NPHS1: variants seen among roughly 807,000 people sequenced by gnomAD.
The protein encoded by NPHS1 is NPHS1 adhesion molecule, nephrin, also known as nephrin.
NPHS1 carries 107 observed loss-of-function variants against 139.7 expected under a neutral mutation model. The ratio of observed to expected loss-of-function variants is 0.77; its 90% confidence interval spans 0.66 to 0.90. The LOEUF (loss-of-function observed/expected upper bound fraction) is 0.90, where lower values mean the gene tolerates loss of function less well. Ranked by LOEUF, NPHS1 falls within the 40% of genes least tolerant of loss-of-function variation. NPHS1 has a pLI of 0.00. For synonymous variants in NPHS1, 707 were observed against 706.6 expected, an observed-to-expected ratio of 1.00 and a Z score of -0.01; for missense variants, 1,580 against 1,654.2, an observed-to-expected ratio of 0.96 and a Z score of 0.78.
At chr19:35,828,767 C>T (rs2146805188) in intron 28 of NPHS1, among the ~76,000 whole-genome samples, 1 of 152,240 alleles carries the variant, frequency 6.6e-6, no homozygotes, top group Non-Finnish European at 1.5e-5. Flanking sequence ...GACCGTATGT[C>T]CCACACAGCC....
Position 35,839,353 on chromosome 19 carries a change from A to G in NPHS1, c.2993T>C (p.Phe998Ser). The change falls in exon 22 of 29, where the codon TTC becomes TCC. Residue 998 changes from phenylalanine (F) to serine (S), a missense_variant. Coordinates refer to ENST00000378910, the MANE Select transcript of NPHS1 (RefSeq NM_004646.4). ...VDVVPPQATT[F>S]TLTGLQPSTR... The stretch of plus-strand genomic sequence containing the variant: ...AGAAGGCTGTAGACCAGTCAGCGTG[A>G]AGGTGGTGGCCTGGGGTGGTACGAC... The G allele has an allele frequency of 6.2e-7, 1 of 1,614,188 alleles. No individual in the cohort carries two copies. Among genetic ancestry groups the G allele is most frequent in the Non-Finnish European group, 8.5e-7 (1 of 1,180,028 alleles).
chr19:35,846,258 C>G, intron 11 of NPHS1, 64 bp from the exon 12 acceptor site: 1 of 1,508,862 alleles, frequency 6.6e-7, no homozygotes, highest in Non-Finnish European at 8.9e-7. Flanking sequence ...CCCCAACCCC[C>G]CTACCCTGCC....
chr19:35,833,810 C>T (rs1336672414), intron 23 of NPHS1, among the ~76,000 whole-genome samples: 2 of 152,324 alleles, frequency 1.3e-5, no homozygotes, highest in Non-Finnish European at 2.9e-5. Context: ...AATCCTCCCG[C>T]ATCAGCCTCC....
intron 28 of NPHS1, among the ~76,000 whole-genome samples, chr19:35,827,842 G>T (rs533168202): frequency 1.3e-5 from 2 of 152,220 alleles, no homozygotes; most frequent in East Asian, 3.9e-4. Context: ...GCTTGAACCT[G>T]GGAGGTGGAG....
At position 35,851,682 on chromosome 19, in the gene NPHS1, C is replaced by T. The variant is rs1337702956; in HGVS notation, c.59-10G>A. 1 of 1,608,028 alleles carries T rather than the reference C, an allele frequency of 6.2e-7. No individual in the cohort carries two copies. The highest frequency in any genetic ancestry group is 8.5e-7 in the Non-Finnish European group (1 of 1,177,180). Reference sequence around the variant, plus strand: ...GCCAACTGCGCCAGGCCTGAGGACACAGCGCGGTGCAAGGAAAGGGCAGAG... The same window carrying T: ...GCCAACTGCGCCAGGCCTGAGGACATAGCGCGGTGCAAGGAAAGGGCAGAG... On this transcript the variant is annotated splice_polypyrimidine_tract_variant and intron_variant, in intron 1 of 28. Transcript: ENST00000378910.
At chr19:35,833,727 A>G (rs3848667) in intron 23 of NPHS1, among the ~76,000 whole-genome samples, 77,771 of 151,586 alleles carry the variant, frequency 0.51, 20,712 homozygotes, top group East Asian at 0.7. Flanking sequence ...ACAGGGTCTC[A>G]ACTCTGTTGC....
At chr19:35,831,889 G>A in intron 23 of NPHS1, 127 bp from the exon 24 acceptor site, 2 of 997,492 alleles carry the variant, frequency 2.0e-6, no homozygotes, top group South Asian at 1.4e-5. Flanking sequence ...ATGGGCAGAG[G>A]TCTCTGTGCC....
At position 35,844,467 on chromosome 19, in the gene NPHS1, G is replaced by A; in HGVS notation, c.1931-8C>T. ...CCAGGAACTCTGGACGGTCTTCAGA[G>A]GGGGCGCCGCAGGGAGTCAAGATTG... On this transcript the variant is annotated splice_polypyrimidine_tract_variant and splice_region_variant and intron_variant, in intron 14 of 28. Transcript: ENST00000378910. 3.2e-6 allele frequency: 5 copies of A among 1,565,092 alleles called. No individual in the cohort carries two copies. The highest frequency in any genetic ancestry group is 4.3e-6 in the Non-Finnish European group (5 of 1,157,366).
intron 16 of NPHS1, 33 bp from the exon 17 acceptor site, chr19:35,843,626 T>C (rs1323540653): frequency 6.2e-7 from 1 of 1,612,000 alleles, no homozygotes; most frequent in East Asian, 2.2e-5. Flanking sequence ...GGAAGACACT[T>C]GGGCCCAGAC....
At position 35,849,708 on chromosome 19, in the gene NPHS1, G is replaced by A. The variant is rs895774996; in HGVS notation, c.609-55C>T. Reference sequence around the variant, plus strand: ...AGAGTCATCATCTGAAATTTGGGGAGTCAGGGAGAAGAGGTGGGGATGTCA... The same window carrying A: ...AGAGTCATCATCTGAAATTTGGGGAATCAGGGAGAAGAGGTGGGGATGTCA... On this transcript the variant is annotated intron_variant, in intron 5 of 28. Transcript: ENST00000378910. 2.2e-6 allele frequency: 3 copies of A among 1,372,936 alleles called. No homozygotes were observed. In the African/African-American group the frequency reaches 4.3e-5, roughly 20 times the overall value. 85.0% of individuals were successfully genotyped at this position (1,372,936 alleles called of 1,614,324 possible).
chr19:35,845,780 G>C lies in NPHS1; in HGVS notation c.1646C>G (p.Thr549Arg). 4 of 1,613,536 alleles carry C rather than the reference G, an allele frequency of 2.5e-6. No homozygotes were observed. Among genetic ancestry groups the C allele is most frequent in the African/African-American group, 1.3e-5 (1 of 75,036 alleles). Residue 549 changes from threonine (T) to arginine (R), a missense_variant, in exon 13 of 29, where the codon ACG (threonine) becomes AGG (arginine). Coordinates refer to ENST00000378910, the MANE Select transcript of NPHS1 (RefSeq NM_004646.4). This position sits in a 1 kb window ranked among gnomAD's most constrained non-coding sequence, Gnocchi z 5.5. The stretch of plus-strand genomic sequence containing the variant: ...CAGTGCGGATGCGTTGGCCAGGATC[G>C]TCACGTTAGTTGGGGGAACTGGGAG... Reference protein sequence around the residue: ...LAVQFPPTNVTILANASALRP... With the variant: ...LAVQFPPTNVRILANASALRP...
Position 35,828,426 on chromosome 19 carries a change from G to A in NPHS1, c.3595-1781C>T, listed in dbSNP as rs546477180. Among the ~76,000 whole-genome samples the A allele has an allele frequency of 1.5e-4, 23 of 152,096 alleles. 1 individual carries two copies. The South Asian group carries it at 4.8e-3, about 32-fold the overall frequency. On this transcript the variant is annotated intron_variant, in intron 28 of 28. Coordinates refer to ENST00000378910, the MANE Select transcript of NPHS1 (RefSeq NM_004646.4). ...ACTACAGGCGCCAGCCACCACACCC[G>A]GCTAACTTTTTGTATTTTTAGTAGA...
At position 35,845,972 on chromosome 19, in the gene NPHS1, G is replaced by GC; in HGVS notation, c.1627+35dup. ...TGCCCCACCTGGCTCTGTCCCTCCC[G>GC]CCCCGCCCCCGGGCCTCAGCAGTGC... On this transcript the variant is annotated intron_variant, in intron 12 of 28. Coordinates refer to ENST00000378910, the MANE Select transcript of NPHS1 (RefSeq NM_004646.4). The surrounding 1 kb of genome is among the most constrained non-coding windows in gnomAD (Gnocchi z 5.5). The GC allele has an allele frequency of 1.4e-6, 1 of 719,352 alleles. No homozygotes were observed. Among genetic ancestry groups the GC allele is most frequent in the African/African-American group, 1.9e-5 (1 of 53,526 alleles). The allele number at this position is 719,352 out of a possible 1,614,324, so 44.6% of individuals were successfully genotyped here.
rs146372457 is a variant in NPHS1, at chr19:35,842,791, C to T, written c.2335-241G>A. On this transcript the variant is annotated intron_variant, in intron 17 of 28. Coordinates refer to ENST00000378910, the MANE Select transcript of NPHS1 (RefSeq NM_004646.4). ...CCACTTATGCTTGGAACCATCTATC[C>T]GTCCATCCATTCATTTATCCATCTG... Among the ~76,000 whole-genome samples, 338 of 152,242 alleles carry T rather than the reference C, an allele frequency of 2.2e-3. 1 individual carries two copies. The highest frequency in any genetic ancestry group is 7.8e-3 in the African/African-American group (323 of 41,544).
chr19:35,839,089 C>A, intron 22 of NPHS1, 148 bp downstream of exon 22: 1 of 739,664 alleles, frequency 1.4e-6, no homozygotes, highest in South Asian at 1.6e-5. Flanking sequence ...TCATCTTTAT[C>A]TTTTACTAGT....
At position 35,843,971 on chromosome 19, in the gene NPHS1, TG is replaced by T. The variant is rs371806556; in HGVS notation, c.2212+131del. 8.7e-4 allele frequency: 1,142 copies of T among 1,305,442 alleles called. 6 individuals are homozygous for T. In the African/African-American group the frequency reaches 0.014, roughly 16 times the overall value. 80.9% of individuals were successfully genotyped at this position (1,305,442 alleles called of 1,614,324 possible). Reference sequence around the variant, plus strand: ...GCAGTGGGCGTGGTTACACCGCGGCTGGGACTTCCAGAACGGGAGGGTTCCA... The same window carrying T: ...GCAGTGGGCGTGGTTACACCGCGGCTGGACTTCCAGAACGGGAGGGTTCCA... On this transcript the variant is annotated intron_variant, in intron 16 of 28. Coordinates refer to ENST00000378910, the MANE Select transcript of NPHS1 (RefSeq NM_004646.4).
In NPHS1 at chr19:35,826,539, A is replaced by C; in HGVS notation, c.3701T>G (p.Phe1234Cys). The C allele has an allele frequency of 6.2e-7, 1 of 1,613,938 alleles. No homozygotes were observed. The highest frequency in any genetic ancestry group is 8.5e-7 in the Non-Finnish European group (1 of 1,180,010). Residue 1234 changes from phenylalanine (F) to cysteine (C), a missense_variant, in exon 29 of 29, where the codon TTC becomes TGC. Coordinates refer to ENST00000378910, the MANE Select transcript of NPHS1 (RefSeq NM_004646.4). ...TTACACCAGATGTCCCCTCAGCTCG[A>C]AGGGCAGAGAATCGGGTTCCAGAGT... ...LDTLEPDSLPFELRGHLV is the reference protein window; with the variant it reads ...LDTLEPDSLPCELRGHLV
intron 5 of NPHS1, among the ~76,000 whole-genome samples, chr19:35,850,017 G>A (rs2146829341): frequency 6.6e-6 from 1 of 152,326 alleles, no homozygotes; most frequent in African/African-American, 2.4e-5. Context: ...TTGGGTTCAA[G>A]TGATTCTCCT....
At chr19:35,829,608 G>A (rs1599834714) in intron 28 of NPHS1, among the ~76,000 whole-genome samples, 5 of 151,436 alleles carry the variant, frequency 3.3e-5, no homozygotes, top group African/African-American at 1.2e-4. Context: ...GCATGATCTC[G>A]GCTCACTGCA....
Sources: gnomAD v4.1 joint callset for allele counts (sites outside exome capture counted in the v4.1 genomes callset) on GRCh38, gnomAD v4.1.1 for gene constraint, Gnocchi (gnomAD v3.1) non-coding constraint, MANE v1.5 for transcripts, NCBI Gene and HGNC (gene_info 2026-07-23, HGNC 2026-07-21) for gene names.